Variants in GNA14 observed in about 807,000 individuals in gnomAD.
The protein encoded by GNA14 is guanine nucleotide-binding protein subunit alpha-14.
A neutral mutation model predicts 42.0 loss-of-function variants in GNA14; 50 were observed. The ratio of observed to expected loss-of-function variants is 1.19; its 90% CI spans 0.95 to 1.51. GNA14 has a LOEUF of 1.51. GNA14 is among the 40% of genes most tolerant of loss of function. GNA14 has a pLI of 0.00. For missense variants in GNA14, 473 were observed against 446.2 expected (o/e 1.06, Z -0.54); for synonymous variants, 173 against 163.1 (o/e 1.06, Z -0.46).
chr9:77,494,718 G>C (rs1333207638), intron 2 of GNA14, among the ~76,000 whole-genome samples: 1 of 152,174 alleles, frequency 6.6e-6, no homozygotes. Context: ...AATTTTAAAG[G>C]TGAAAACCAA....
intron 1 of GNA14, among the ~76,000 whole-genome samples, chr9:77,542,338 T>C (rs777629275): frequency 2.6e-5 from 4 of 152,162 alleles, no homozygotes; most frequent in Non-Finnish European, 5.9e-5. Flanking sequence ...CTCAGTGGCT[T>C]AGGGTGCAGT....
In GNA14 at chr9:77,642,986, G is replaced by A. The variant is rs1381520311; in HGVS notation, c.124+4684C>T. 3.9e-5 allele frequency among the ~76,000 whole-genome samples: 6 copies of A among 152,094 alleles called. No individual in the cohort carries two copies. In the South Asian group the frequency reaches 6.2e-4, roughly 16 times the overall value. On this transcript the variant is annotated intron_variant, in intron 1 of 6. Transcript: ENST00000341700. ...ACCATAGTTCAAGGCCCACTCAGAT[G>A]ATGCCTCCTCCAGAGGCTCCCCCTT...
intron 2 of GNA14, among the ~76,000 whole-genome samples, chr9:77,522,831 C>G (rs1837379976): frequency 6.6e-6 from 1 of 152,140 alleles, no homozygotes; most frequent in African/African-American, 2.4e-5. Flanking sequence ...CCTGATAAAC[C>G]CAGCAGTAGG....
At chr9:77,586,384 A>C (rs1467719267) in intron 1 of GNA14, among the ~76,000 whole-genome samples, 1 of 152,222 alleles carries the variant, frequency 6.6e-6, no homozygotes, top group African/African-American at 2.4e-5. Flanking sequence ...GTCAACAAGC[A>C]TATGAAAAAA....
chr9:77,523,409 C>T (rs533582644), intron 2 of GNA14, among the ~76,000 whole-genome samples: 1 of 152,174 alleles, frequency 6.6e-6, no homozygotes, highest in South Asian at 2.1e-4. Context: ...CGCTTTCAAA[C>T]AACCAGAATT....
chr9:77,490,957 A>C (rs1010862259), intron 2 of GNA14, among the ~76,000 whole-genome samples: 6 of 152,380 alleles, frequency 3.9e-5, no homozygotes, highest in Admixed American at 3.3e-4. Flanking sequence ...CAAGGAGAGA[A>C]TCCTAAAAGC....
intron 1 of GNA14, among the ~76,000 whole-genome samples, chr9:77,574,043 A>G (rs925446637): frequency 1.3e-5 from 2 of 152,136 alleles, no homozygotes; most frequent in African/African-American, 4.8e-5. Context: ...CATGCCATGC[A>G]TCTGTAATTC....
chr9:77,510,891 G>C (rs1479239395), intron 2 of GNA14, among the ~76,000 whole-genome samples: 1 of 152,052 alleles, frequency 6.6e-6, no homozygotes, highest in Non-Finnish European at 1.5e-5. Context: ...AGTCTAAGAT[G>C]ATTTGATAAG....
At chr9:77,432,117 A>G (rs1476777464) in intron 3 of GNA14, among the ~76,000 whole-genome samples, 1 of 151,962 alleles carries the variant, frequency 6.6e-6, no homozygotes, top group Non-Finnish European at 1.5e-5. Flanking sequence ...TTAAAAAAAA[A>G]AAAAACTTTA....
intron 2 of GNA14, among the ~76,000 whole-genome samples, chr9:77,435,023 A>G (rs1353742489): frequency 6.6e-6 from 1 of 150,512 alleles, no homozygotes; most frequent in Non-Finnish European, 1.5e-5. Flanking sequence ...ACAACTTATC[A>G]TCAGTCTGGG....
In GNA14 at chr9:77,648,009, C is replaced by A; in HGVS notation, c.-216G>T. The A allele has an allele frequency of 1.8e-6, 1 of 559,036 alleles. No individual in the cohort carries two copies. The highest frequency in any genetic ancestry group is 3.1e-6 in the Non-Finnish European group (1 of 323,712). 34.6% of individuals were successfully genotyped at this position (559,036 alleles called of 1,614,324 possible). A position where few individuals can be genotyped will look rare whatever the true frequency, so the allele number is the denominator to read the frequency against. On this transcript the variant is annotated 5_prime_UTR_variant, in exon 1 of 7. Transcript: ENST00000341700. ...CGGGGTGAATGCCGAGCGCTGGGAA[C>A]GCTCGAGTGCACCCCGGATCCGGGC...
chr9:77,424,459 G>T (rs1008723481), intron 6 of GNA14, among the ~76,000 whole-genome samples: 5 of 152,140 alleles, frequency 3.3e-5, no homozygotes, highest in African/African-American at 1.2e-4. Context: ...CTGACCTTAG[G>T]TGATCCACCT....
chr9:77,617,027 G>A (rs964952647), intron 1 of GNA14, among the ~76,000 whole-genome samples: 3 of 151,824 alleles, frequency 2.0e-5, no homozygotes, highest in Non-Finnish European at 2.9e-5. Flanking sequence ...CCACCACCAC[G>A]ACCGGTTAAT....
intron 1 of GNA14, among the ~76,000 whole-genome samples, chr9:77,611,775 G>A (rs1282722925): frequency 1.3e-5 from 2 of 152,008 alleles, no homozygotes; most frequent in Non-Finnish European, 1.5e-5. Flanking sequence ...TCCCATTCTC[G>A]CACCCACCAT....
intron 1 of GNA14, among the ~76,000 whole-genome samples, chr9:77,638,927 T>G (rs912997470): frequency 6.6e-6 from 1 of 152,200 alleles, no homozygotes; most frequent in Non-Finnish European, 1.5e-5. Flanking sequence ...TTCATAGCCC[T>G]GTAGAATAAA....
chr9:77,501,048 G>A (rs747326328), intron 2 of GNA14, among the ~76,000 whole-genome samples: 5 of 151,986 alleles, frequency 3.3e-5, no homozygotes, highest in Non-Finnish European at 7.4e-5. Context: ...TCCGCCTCCC[G>A]GGTTGAAGTA....
intron 1 of GNA14, among the ~76,000 whole-genome samples, chr9:77,544,593 C>A (rs1212625491): frequency 2.0e-5 from 3 of 147,060 alleles, no homozygotes; most frequent in Non-Finnish European, 4.4e-5. Flanking sequence ...GACCCAGCTA[C>A]TAAGGAGGCT....
In GNA14 at chr9:77,647,887, A is replaced by G. The variant is rs1210299402; in HGVS notation, c.-94T>C. Reference sequence around the variant, plus strand: ...CACCCGGCCAGCATGCGACGGGCACAGGGGTGTGGAAAGAAAAGACGGGGG... The same window carrying G: ...CACCCGGCCAGCATGCGACGGGCACGGGGGTGTGGAAAGAAAAGACGGGGG... On this transcript the variant is annotated 5_prime_UTR_variant, in exon 1 of 7. Transcript: ENST00000341700. 5 of 1,443,168 alleles carry G rather than the reference A, an allele frequency of 3.5e-6. No individual in the cohort carries two copies. In the African/African-American group the frequency reaches 5.7e-5, roughly 17 times the overall value. The allele number at this position is 1,443,168 out of a possible 1,614,324, so 89.4% of individuals were successfully genotyped here.
intron 2 of GNA14, among the ~76,000 whole-genome samples, chr9:77,496,822 A>G (rs1564031898): frequency 6.6e-6 from 1 of 152,212 alleles, no homozygotes. Context: ...TGCTTCACTC[A>G]TGGTATGCTT....
Sources: gnomAD v4.1 joint callset for allele counts (sites outside exome capture counted in the v4.1 genomes callset) on GRCh38, gnomAD v4.1.1 for gene constraint, MANE v1.5 for transcripts, NCBI Gene and HGNC (gene_info 2026-07-23, HGNC 2026-07-21) for gene names.